Variants in FOXN3 observed in about 807,000 individuals in gnomAD.
FOXN3 encodes forkhead box protein N3.
A neutral mutation model predicts 38.4 loss-of-function variants in FOXN3; 7 were observed. The ratio of observed to expected loss-of-function variants is 0.18; its 90% CI spans 0.10 to 0.34. The LOEUF (loss-of-function observed/expected upper bound fraction) is 0.34. Among genes scored for constraint, FOXN3 ranks in the 10% least tolerant of loss-of-function variants. The pLI is 1.00. For synonymous variants in FOXN3, 230 were observed against 242.2 expected (o/e 0.95, Z 0.47); for missense variants, 456 against 613.4 (o/e 0.74, Z 2.71).
chr14:89,267,509 A>G (rs1455914036), intron 4 of FOXN3, among the ~76,000 whole-genome samples: 1 of 152,220 alleles, frequency 6.6e-6, no homozygotes, highest in African/African-American at 2.4e-5. Flanking sequence ...AACTCAGATC[A>G]CTATTAGTCT....
chr14:89,573,641 G>A (rs1348225239), intron 1 of FOXN3, among the ~76,000 whole-genome samples: 4 of 152,250 alleles, frequency 2.6e-5, no homozygotes, highest in East Asian at 1.9e-4. Context: ...GGAAAAGAAA[G>A]TTTGCACATA....
intron 4 of FOXN3, among the ~76,000 whole-genome samples, chr14:89,260,185 G>A (rs568648524): frequency 2.6e-5 from 4 of 152,302 alleles, no homozygotes; most frequent in Admixed American, 6.5e-5. Flanking sequence ...CTGCACAGTC[G>A]GTGCTTACGT....
chr14:89,166,901 G>A (rs1269849519), intron 5 of FOXN3, among the ~76,000 whole-genome samples: 4 of 152,198 alleles, frequency 2.6e-5, no homozygotes, highest in Admixed American at 6.5e-5. Context: ...TGCCATTACA[G>A]GACAACAAAT....
At chr14:89,317,110 G>A (rs1418682367) in intron 3 of FOXN3, among the ~76,000 whole-genome samples, 1 of 152,210 alleles carries the variant, frequency 6.6e-6, no homozygotes, top group Non-Finnish European at 1.5e-5. Flanking sequence ...TTTGACAGGT[G>A]ACTTTAGTGG....
chr14:89,504,305 C>A (rs1470809273), intron 1 of FOXN3, among the ~76,000 whole-genome samples: 1 of 152,292 alleles, frequency 6.6e-6, no homozygotes, highest in East Asian at 1.9e-4. Context: ...GTTTGCAGGA[C>A]GGCTGCATTG....
At chr14:89,481,992 T>C (rs1373812541) in intron 1 of FOXN3, among the ~76,000 whole-genome samples, 1 of 152,202 alleles carries the variant, frequency 6.6e-6, no homozygotes, top group Admixed American at 6.5e-5. Flanking sequence ...ACCTAGCCCA[T>C]ACCATTCAAG....
chr14:89,253,668 T>G (rs182178913), intron 4 of FOXN3, among the ~76,000 whole-genome samples: 1 of 152,188 alleles, frequency 6.6e-6, no homozygotes, highest in Admixed American at 6.5e-5. Flanking sequence ...AAAAACAGAA[T>G]GTACAGACAT....
intron 1 of FOXN3, among the ~76,000 whole-genome samples, chr14:89,525,068 G>A (rs1417957831): frequency 6.6e-6 from 1 of 152,066 alleles, no homozygotes; most frequent in African/African-American, 2.4e-5. Context: ...AAAAGCGCGG[G>A]GCTGGGGAGG....
chr14:89,163,359 C>A lies in FOXN3; in HGVS notation c.852-390G>T, dbSNP rs1011269995. On this transcript the variant is annotated intron_variant, in intron 5 of 5. Coordinates refer to ENST00000557258, the MANE Select transcript of FOXN3 (RefSeq NM_005197.4). This position sits in a 1 kb window ranked among gnomAD's most constrained non-coding sequence, Gnocchi z 4.3. ...GCCAGACGATGTTGGCTGGGTACTTCAGAGAAAAAAGCCTGCTCTCGTCTG... is the reference window on the plus strand; with the variant it reads ...GCCAGACGATGTTGGCTGGGTACTTAAGAGAAAAAAGCCTGCTCTCGTCTG... Among the ~76,000 whole-genome samples, 2 of 152,140 alleles carry A rather than the reference C, an allele frequency of 1.3e-5. No individual in the cohort carries two copies. The highest frequency in any genetic ancestry group is 6.5e-5 in the Admixed American group (1 of 15,272).
At chr14:89,584,990 A>G (rs1895814796) in intron 1 of FOXN3, among the ~76,000 whole-genome samples, 1 of 152,216 alleles carries the variant, frequency 6.6e-6, no homozygotes, top group South Asian at 2.1e-4. Flanking sequence ...TGCTGGGATT[A>G]CAGGCGTGAG....
At chr14:89,268,374 T>C (rs1886046751) in intron 4 of FOXN3, among the ~76,000 whole-genome samples, 1 of 152,206 alleles carries the variant, frequency 6.6e-6, no homozygotes, top group South Asian at 2.1e-4. Context: ...AGTGGGCCTC[T>C]TAAGACAACA....
chr14:89,176,818 T>A (rs1430988886), intron 5 of FOXN3, among the ~76,000 whole-genome samples: 1 of 152,158 alleles, frequency 6.6e-6, no homozygotes, highest in African/African-American at 2.4e-5. Flanking sequence ...CATCTCAGTG[T>A]CTACTACCTG....
intron 1 of FOXN3, among the ~76,000 whole-genome samples, chr14:89,521,871 G>A (rs1053697860): frequency 6.6e-6 from 1 of 151,996 alleles, no homozygotes; most frequent in South Asian, 2.1e-4. Flanking sequence ...AAACAAATTA[G>A]CTGGGCATGG....
At chr14:89,286,858 G>C (rs12432807) in intron 3 of FOXN3, among the ~76,000 whole-genome samples, 1,911 of 152,222 alleles carry the variant, frequency 0.013, 39 homozygotes, top group African/African-American at 0.044. Context: ...GAACACAGAT[G>C]AAAGTTCAGA....
chr14:89,215,011 G>A (rs771996811), intron 4 of FOXN3, among the ~76,000 whole-genome samples: 5 of 152,204 alleles, frequency 3.3e-5, no homozygotes, highest in East Asian at 3.9e-4. Flanking sequence ...TACATTAGGC[G>A]AGGGTAGTAT....
Position 89,275,045 on chromosome 14 carries a change from C to T in FOXN3, c.745+5905G>A, listed in dbSNP as rs1886260529. 1.3e-5 allele frequency among the ~76,000 whole-genome samples: 2 copies of T among 152,196 alleles called. 1 individual carries two copies. Among genetic ancestry groups the T allele is most frequent in the Non-Finnish European group, 2.9e-5 (2 of 68,036 alleles). ...AGCATGAACTGTCCTATGTGCTTGA[C>T]TAATGTGAATCCACCAAATCCTCAC... On this transcript the variant is annotated intron_variant, in intron 4 of 5. Coordinates refer to ENST00000557258, the MANE Select transcript of FOXN3 (RefSeq NM_005197.4).
At chr14:89,220,659 C>T (rs777178168) in intron 4 of FOXN3, among the ~76,000 whole-genome samples, 1 of 152,158 alleles carries the variant, frequency 6.6e-6, no homozygotes, top group African/African-American at 2.4e-5. Context: ...GATGTCTGAT[C>T]TGGACCTAGA....
At chr14:89,265,169 G>A (rs1885932611) in intron 4 of FOXN3, among the ~76,000 whole-genome samples, 1 of 152,196 alleles carries the variant, frequency 6.6e-6, no homozygotes, top group South Asian at 2.1e-4. Flanking sequence ...GGTGTTAATA[G>A]CTTTATCAGC....
intron 4 of FOXN3, among the ~76,000 whole-genome samples, chr14:89,217,117 G>A (rs1460739764): frequency 6.6e-6 from 1 of 150,396 alleles, no homozygotes; most frequent in Non-Finnish European, 1.5e-5. Context: ...AATGACAAGG[G>A]TGTGAGATCT....
Sources: gnomAD v4.1 joint callset for allele counts (sites outside exome capture counted in the v4.1 genomes callset) on GRCh38, gnomAD v4.1.1 for gene constraint, Gnocchi (gnomAD v3.1) non-coding constraint, MANE v1.5 for transcripts, NCBI Gene and HGNC (gene_info 2026-07-23, HGNC 2026-07-21) for gene names.